Variants in SLC30A10 observed in about 807,000 individuals in gnomAD.
The protein encoded by SLC30A10 is solute carrier family 30 member 10.
In SLC30A10, 8 loss-of-function variants were observed where a neutral mutation model predicts 21.7. That is an observed-to-expected ratio of 0.37 (90% CI 0.22 to 0.67). The LOEUF (loss-of-function observed/expected upper bound fraction) is 0.67. Among genes scored for constraint, SLC30A10 ranks in the 30% least tolerant of loss-of-function variants. The probability of loss-of-function intolerance (pLI) is 0.58; values close to 1 mark genes in which losing one functional copy is unlikely to be tolerated. For missense variants in SLC30A10, 521 were observed against 642.5 expected, an observed-to-expected ratio of 0.81 and a Z score of 2.04; for synonymous variants, 272 against 279.4, an observed-to-expected ratio of 0.97 and a Z score of 0.26.
upstream of SLC30A10, among the ~76,000 whole-genome samples, chr1:219,931,149 T>G (rs1298421726): frequency 6.6e-6 from 1 of 152,266 alleles, no homozygotes; most frequent in East Asian, 1.9e-4. Flanking sequence ...TAATTGCATG[T>G]CTTTGTCATT....
At chr1:219,948,495 A>G (rs1279561412) in intron 1 of SLC30A10, among the ~76,000 whole-genome samples, 5 of 152,286 alleles carry the variant, frequency 3.3e-5, no homozygotes, top group African/African-American at 1.2e-4. Flanking sequence ...AAACCTGAGA[A>G]AAACAAGCAA....
chr1:219,947,423 C>T (rs952333303), intron 1 of SLC30A10, among the ~76,000 whole-genome samples: 1 of 152,022 alleles, frequency 6.6e-6, no homozygotes, highest in East Asian at 1.9e-4. Flanking sequence ...GTCTTGGCTA[C>T]TTAAGAGGCT....
At position 219,938,334 on chromosome 1, in the gene SLC30A10, G is replaced by A. The variant is rs535945513; in HGVS notation, n.81-11229C>T. Reference sequence around the variant, plus strand: ...CCAAGCTTCACATTTCCATGAGGGCGCCTCCAAAGGCCCATCACTCTAGAC... The same window carrying A: ...CCAAGCTTCACATTTCCATGAGGGCACCTCCAAAGGCCCATCACTCTAGAC... On this transcript the variant is annotated intron_variant and non_coding_transcript_variant, in intron 1 of 8. Transcript: ENST00000484239. Among the ~76,000 whole-genome samples, 21 of 152,292 alleles carry A rather than the reference G, an allele frequency of 1.4e-4. No homozygotes were observed. In the East Asian group the frequency reaches 2.9e-3, roughly 21 times the overall value.
intron 1 of SLC30A10, among the ~76,000 whole-genome samples, chr1:219,935,478 G>A (rs1405787740): frequency 6.6e-6 from 1 of 152,168 alleles, no homozygotes; most frequent in Non-Finnish European, 1.5e-5. Flanking sequence ...ATATGTAGTG[G>A]GACAACATAG....
chr1:219,936,830 C>T (rs755110439), intron 1 of SLC30A10, among the ~76,000 whole-genome samples: 1 of 152,180 alleles, frequency 6.6e-6, no homozygotes, highest in Non-Finnish European at 1.5e-5. Flanking sequence ...TCCTGGTTTT[C>T]CTTATATTTC....
upstream of SLC30A10, among the ~76,000 whole-genome samples, chr1:219,932,310 T>C (rs1375162374): frequency 6.6e-6 from 1 of 152,210 alleles, no homozygotes; most frequent in African/African-American, 2.4e-5. Context: ...ACAAATGAAA[T>C]GGTTTTTAAA....
intron 1 of SLC30A10, 87 bp from the exon 2 acceptor site, chr1:219,927,192 A>G (rs769121129): frequency 1.3e-5 from 19 of 1,413,284 alleles, no homozygotes; most frequent in Admixed American, 1.8e-5. Context: ...AAGTTTTGTT[A>G]TTTTAAATTT....
intron 1 of SLC30A10, among the ~76,000 whole-genome samples, chr1:219,951,820 C>T (rs546030935): frequency 2.0e-5 from 3 of 152,180 alleles, no homozygotes; most frequent in South Asian, 4.2e-4. Context: ...TTTGCAACCT[C>T]AAACTCCTGG....
chr1:219,918,335 G>A lies in SLC30A10; in HGVS notation c.878C>T (p.Ser293Leu), dbSNP rs780179026. Residue 293 changes from serine (S) to leucine (L), a missense_variant, in exon 3 of 4, where the codon TCA becomes TTA. Coordinates refer to ENST00000366926, the MANE Select transcript of SLC30A10 (RefSeq NM_018713.3). This position sits in a 1 kb window ranked among gnomAD's most constrained non-coding sequence, Gnocchi z 4.4. ...LTVLMVIIILSSAFPLIKETA... is the reference protein window; with the variant it reads ...LTVLMVIIILLSAFPLIKETA... ...CTCCTTGATAAGCGGGAAGGCAGAT[G>A]ACAAAATGATGATGACCATGAGGAC... 4.3e-6 allele frequency: 7 copies of A among 1,614,112 alleles called. No homozygotes were observed. Among genetic ancestry groups the A allele is most frequent in the Non-Finnish European group, 5.9e-6 (7 of 1,180,026 alleles).
intron 1 of SLC30A10, among the ~76,000 whole-genome samples, chr1:219,940,912 C>G (rs1423480529): frequency 1.3e-5 from 2 of 152,144 alleles, no homozygotes; most frequent in Non-Finnish European, 2.9e-5. Flanking sequence ...TTGCCTTTGG[C>G]AGACCCATAA....
At chr1:219,919,501 C>G (rs571784789) in intron 2 of SLC30A10, among the ~76,000 whole-genome samples, 51 of 152,170 alleles carry the variant, frequency 3.4e-4, no homozygotes, top group Non-Finnish European at 6.0e-4. Flanking sequence ...TGAGTCTGGG[C>G]GTGGTGGCTC....
intron 1 of SLC30A10, among the ~76,000 whole-genome samples, chr1:219,955,148 G>A (rs1660329259): frequency 6.6e-6 from 1 of 152,166 alleles, no homozygotes; most frequent in African/African-American, 2.4e-5. Context: ...AGTATCTCCT[G>A]CGATCTGGAC....
At chr1:219,922,158 T>TTG (rs139669169) in intron 2 of SLC30A10, among the ~76,000 whole-genome samples, 2,408 of 42,872 alleles carry the variant, frequency 0.056, 308 homozygotes, top group African/African-American at 0.25. Flanking sequence ...ACCTTCTTGT[T>TTG]TGTGTGTGTG....
intron 2 of SLC30A10, among the ~76,000 whole-genome samples, chr1:219,925,649 ATATT>A (rs1354901724): frequency 1.2e-4 from 8 of 65,946 alleles, no homozygotes; most frequent in African/African-American, 6.1e-4. Context: ...ATATATATAT[ATATT>A]TTTTTTTTTT....
At chr1:219,948,258 CTACTT>C (rs1660217147) in intron 1 of SLC30A10, among the ~76,000 whole-genome samples, 1 of 150,162 alleles carries the variant, frequency 6.7e-6, no homozygotes, top group Non-Finnish European at 1.5e-5. Context: ...TTGGAAAAAA[CTACTT>C]TAAAGTTCAT....
chr1:219,954,961 T>C (rs1349190301), intron 1 of SLC30A10, among the ~76,000 whole-genome samples: 2 of 152,094 alleles, frequency 1.3e-5, no homozygotes, highest in Non-Finnish European at 2.9e-5. Flanking sequence ...TGGAGGGTTT[T>C]AGTAGCTTGA....
upstream of SLC30A10, chr1:219,928,619 A>G (rs1315311576): frequency 3.6e-6 from 2 of 558,808 alleles, no homozygotes; most frequent in Non-Finnish European, 6.0e-6. The surrounding 1 kb of genome is among the most constrained non-coding windows in gnomAD (Gnocchi z 6.3). Context: ...CAGTCCCCGC[A>G]CGTCCAGAGT....
chr1:219,934,855 C>T (rs1660025726), intron 1 of SLC30A10, among the ~76,000 whole-genome samples: 1 of 152,090 alleles, frequency 6.6e-6, no homozygotes, highest in Admixed American at 6.5e-5. Flanking sequence ...GTGTTTCTTA[C>T]CATCTCCAGG....
At chr1:219,956,702 A>T (rs961027871) in intron 1 of SLC30A10, among the ~76,000 whole-genome samples, 1 of 151,930 alleles carries the variant, frequency 6.6e-6, no homozygotes. Context: ...AAAGAAACCC[A>T]TATGGTTGGA....
Sources: allele counts gnomAD v4.1 joint callset (sites outside exome capture counted in the v4.1 genomes callset), GRCh38; gene constraint gnomAD v4.1.1; non-coding constraint Gnocchi (gnomAD v3.1); transcripts MANE v1.5; gene names NCBI Gene and HGNC (gene_info 2026-07-23, HGNC 2026-07-21).